KIF24: variants seen among roughly 807,000 people sequenced by gnomAD.
KIF24 encodes the protein kinesin-like protein KIF24.
A neutral mutation model predicts 118.9 loss-of-function variants in KIF24; 81 were observed. The ratio of observed to expected loss-of-function variants is 0.68; its 90% CI spans 0.57 to 0.82. The LOEUF is 0.82. Among genes scored for constraint, KIF24 ranks in the 40% least tolerant of loss-of-function variants. The probability of loss-of-function intolerance (pLI) is 0.00; values close to 1 mark genes in which losing one functional copy is unlikely to be tolerated. For synonymous variants in KIF24, 599 were observed against 610.0 expected (o/e 0.98, Z 0.27); for missense variants, 1,560 against 1,661.6 (o/e 0.94, Z 1.06).
At chr9:34,280,858 G>T (rs529990762) in intron 6 of KIF24, among the ~76,000 whole-genome samples, 2 of 152,272 alleles carry the variant, frequency 1.3e-5, no homozygotes, top group East Asian at 3.9e-4. Context: ...GGGCCACCAT[G>T]CCACTGCACA....
At chr9:34,298,461 G>A (rs762619153) in intron 3 of KIF24, among the ~76,000 whole-genome samples, 4 of 151,828 alleles carry the variant, frequency 2.6e-5, no homozygotes, top group Admixed American at 1.3e-4. Flanking sequence ...CAGGAAAATC[G>A]CTGGAACCCG....
rs944901782 is a variant in KIF24, at chr9:34,311,157, T to C, written c.190A>G (p.Met64Val). 6.2e-7 allele frequency: 1 copy of C among 1,613,552 alleles called. No homozygotes were observed. The highest frequency in any genetic ancestry group is 8.5e-7 in the Non-Finnish European group (1 of 1,179,554). ...LFQLIKIIKI[M>V]QEEDKAVSIP... ...CTGACTGCTTTATCTTCTTCTTGCATAATCTTAATAATTTTGATAAGTTGG... is the reference window on the plus strand; with the variant it reads ...CTGACTGCTTTATCTTCTTCTTGCACAATCTTAATAATTTTGATAAGTTGG... Residue 64 changes from methionine to valine, a missense_variant, in exon 2 of 13, where the codon ATG (methionine) becomes GTG (valine). Physicochemically the swap from Met to Val is conservative, Grantham distance 21 (BLOSUM62 1). Around this residue, in one of 3 missense-constraint regions of KIF24, gnomAD observed 964 missense variants for 988.0 expected, o/e 0.98. Coordinates refer to ENST00000402558, the MANE Select transcript of KIF24 (RefSeq NM_194313.4).
At chr9:34,272,817 TCTTA>T (rs1835555081) in intron 6 of KIF24, among the ~76,000 whole-genome samples, 1 of 152,088 alleles carries the variant, frequency 6.6e-6, no homozygotes, top group South Asian at 2.1e-4. Flanking sequence ...AGAGACATGG[TCTTA>T]CTATGTTGCC....
Position 34,318,914 on chromosome 9 carries a change from C to T in KIF24, c.-25-7543G>A. ...TTTCCATGACAAGCGCAGTGCGCTG[C>T]AGTCCATCCACGAGTGGGCCGTGCA... On this transcript the variant is annotated intron_variant, in intron 1 of 12. Transcript: ENST00000402558. This position sits in a 1 kb window ranked among gnomAD's most constrained non-coding sequence, Gnocchi z 4.9. 6.3e-7 allele frequency: 1 copy of T among 1,578,292 alleles called. No individual in the cohort carries two copies. The highest frequency in any genetic ancestry group is 8.7e-7 in the Non-Finnish European group (1 of 1,152,936).
upstream of KIF24, among the ~76,000 whole-genome samples, chr9:34,333,257 C>A (rs931621211): frequency 3.3e-5 from 5 of 152,080 alleles, no homozygotes; most frequent in African/African-American, 7.2e-5. Flanking sequence ...ACGGCCCTCT[C>A]CCCCCAACTA....
At chr9:34,270,952 A>AGGT (rs1403216837) in intron 7 of KIF24, among the ~76,000 whole-genome samples, 1 of 150,720 alleles carries the variant, frequency 6.6e-6, no homozygotes, top group Non-Finnish European at 1.5e-5. Context: ...AAAAATAGCT[A>AGGT]GGTGTGGTGG....
intron 4 of KIF24, among the ~76,000 whole-genome samples, chr9:34,291,329 C>T (rs964380063): frequency 3.9e-5 from 6 of 152,132 alleles, no homozygotes; most frequent in African/African-American, 1.4e-4. Flanking sequence ...GCAGCAGGCA[C>T]ACCAAATCTT....
intron 1 of KIF24, among the ~76,000 whole-genome samples, chr9:34,315,616 C>A (rs557021068): frequency 1.3e-5 from 2 of 152,334 alleles, no homozygotes; most frequent in African/African-American, 4.8e-5. Context: ...CCTTGTACTA[C>A]TGTGTGAATT....
chr9:34,310,042 T>C (rs1351134614), intron 2 of KIF24, among the ~76,000 whole-genome samples: 1 of 152,076 alleles, frequency 6.6e-6, no homozygotes, highest in Non-Finnish European at 1.5e-5. Context: ...GGATTACTTG[T>C]TATTTCACCT....
At chr9:34,324,359 G>T (rs1445701246) in intron 1 of KIF24, among the ~76,000 whole-genome samples, 1 of 152,120 alleles carries the variant, frequency 6.6e-6, no homozygotes, top group Non-Finnish European at 1.5e-5. Flanking sequence ...CAGTCACTCA[G>T]AACTAAACGA....
chr9:34,328,866 T>G (rs1173684230), intron 1 of KIF24, among the ~76,000 whole-genome samples: 1 of 152,136 alleles, frequency 6.6e-6, no homozygotes, highest in Non-Finnish European at 1.5e-5. Flanking sequence ...GAGTTTAGTC[T>G]CCCAAAGTGA....
chr9:34,257,707 T>C lies in KIF24; in HGVS notation c.1900A>G (p.Arg634Gly). 6.2e-7 allele frequency: 1 copy of C among 1,614,056 alleles called. No homozygotes were observed. The highest frequency in any genetic ancestry group is 8.5e-7 in the Non-Finnish European group (1 of 1,179,896). ...PKVSGKRGGS[R>G]GSPSQEWVIH... ...ACCCACTCTTGTGAAGGACTCCCTC[T>C]GGAGCCACCCCTTTTACCAGAGACC... Residue 634 changes from arginine (R) to glycine (G), a missense_variant, in exon 11 of 13, where the codon AGA becomes GGA. Physicochemically the swap from Arg to Gly is moderately radical, Grantham distance 125. Transcript: ENST00000402558.
chr9:34,284,858 C>T (rs1032831119), intron 6 of KIF24, among the ~76,000 whole-genome samples: 1 of 151,882 alleles, frequency 6.6e-6, no homozygotes, highest in Non-Finnish European at 1.5e-5. Context: ...ATGCATTTTT[C>T]TGTATAGTGC....
intron 7 of KIF24, among the ~76,000 whole-genome samples, chr9:34,270,829 G>T (rs1367537091): frequency 6.7e-6 from 1 of 149,218 alleles, no homozygotes; most frequent in Non-Finnish European, 1.5e-5. Context: ...GAGCCTAGGA[G>T]TTCGAGACCA....
chr9:34,264,405 G>A (rs1835206282), intron 8 of KIF24, among the ~76,000 whole-genome samples: 1 of 151,844 alleles, frequency 6.6e-6, no homozygotes, highest in Non-Finnish European at 1.5e-5. Flanking sequence ...ACTCCAGCCT[G>A]GGTGACAGAG....
intron 3 of KIF24, among the ~76,000 whole-genome samples, chr9:34,300,538 T>C (rs1283596464): frequency 6.6e-6 from 1 of 152,006 alleles, no homozygotes; most frequent in Non-Finnish European, 1.5e-5. Flanking sequence ...CAGCTAATTT[T>C]TTTGTATTGT....
At chr9:34,320,332 CA>C (rs66835823) in intron 1 of KIF24, among the ~76,000 whole-genome samples, 21,315 of 106,290 alleles carry the variant, frequency 0.2, 1,586 homozygotes, top group Non-Finnish European at 0.22. Context: ...AATGTTCCAA[CA>C]AAAAAAAAAA....
At chr9:34,264,433 A>AG (rs1009858169) in intron 8 of KIF24, among the ~76,000 whole-genome samples, 2 of 151,088 alleles carry the variant, frequency 1.3e-5, no homozygotes, top group African/African-American at 4.9e-5. Context: ...CCGTCTCAAG[A>AG]GAAAAAAAAA....
In KIF24 at chr9:34,308,897, T is replaced by C. The variant is rs530423385; in HGVS notation, c.623+1827A>G. ...GAGTTCAAGACCAGCCTGGGTAACA[T>C]AGTGAGATCCCCAACTCTACAAAAA... On this transcript the variant is annotated intron_variant, in intron 2 of 12. Transcript: ENST00000402558. 5.3e-5 allele frequency among the ~76,000 whole-genome samples: 8 copies of C among 151,964 alleles called. No individual in the cohort carries two copies. The East Asian group carries it at 5.8e-4, about 11-fold the overall frequency.
Sources: allele counts gnomAD v4.1 joint callset (sites outside exome capture counted in the v4.1 genomes callset), GRCh38; gene constraint gnomAD v4.1.1; regional missense constraint gnomAD v4.1.1; non-coding constraint Gnocchi (gnomAD v3.1); transcripts MANE v1.5; gene names NCBI Gene and HGNC (gene_info 2026-07-23, HGNC 2026-07-21).